ACP1: variants seen among roughly 807,000 people sequenced by gnomAD.
ACP1 encodes acid phosphatase 1.
A neutral mutation model predicts 23.4 loss-of-function variants in ACP1; 23 were observed. That is an observed-to-expected ratio of 0.98 (90% CI 0.71 to 1.39). The LOEUF (loss-of-function observed/expected upper bound fraction) is 1.39, where lower values mean the gene tolerates loss of function less well. ACP1 is among the 40% of genes most tolerant of loss of function. The pLI, the probability that ACP1 is intolerant of heterozygous loss-of-function variation, is 0.00. For synonymous variants in ACP1, 72 were observed against 67.2 expected (o/e 1.07, Z -0.35); for missense variants, 180 against 197.7 (o/e 0.91, Z 0.54).
chr2:276,096 G>A (rs1252761874), intron 4 of ACP1, among the ~76,000 whole-genome samples: 1 of 152,154 alleles, frequency 6.6e-6, no homozygotes, highest in Non-Finnish European at 1.5e-5. Flanking sequence ...ACTGAGCACC[G>A]TGTTTCTTTG....
At chr2:274,028 T>C (rs1218283598) in intron 3 of ACP1, among the ~76,000 whole-genome samples, 2 of 152,150 alleles carry the variant, frequency 1.3e-5, no homozygotes, top group African/African-American at 4.8e-5. Flanking sequence ...CTGGGTGCTA[T>C]GACATATGCC....
chr2:273,659 C>T (rs1320627259), intron 3 of ACP1, among the ~76,000 whole-genome samples: 1 of 152,196 alleles, frequency 6.6e-6, no homozygotes, highest in Non-Finnish European at 1.5e-5. Context: ...TGATTTGCCA[C>T]AAGCTGTTTC....
At position 272,077 on chromosome 2, in the gene ACP1, G is replaced by A. The variant is rs777477495; in HGVS notation, c.158G>A (p.Gly53Glu). 9.9e-6 allele frequency: 16 copies of A among 1,614,048 alleles called. No homozygotes were observed. Among genetic ancestry groups the A allele is most frequent in the Middle Eastern group, 1.6e-4 (1 of 6,084 alleles). ...DSAATSGYEI[G>E]NPPDYRGQSC... Reference sequence around the variant, plus strand: ...GCGGCAACTTCCGGGTATGAGATAGGGAACCCCCCTGACTACCGAGGGCAG... The same window carrying A: ...GCGGCAACTTCCGGGTATGAGATAGAGAACCCCCCTGACTACCGAGGGCAG... The change falls in exon 3 of 6, where the codon GGG (glycine) becomes GAG (glutamate). Residue 53 changes from glycine (G) to glutamate (E), a missense_variant. By Grantham distance (98) the Gly-to-Glu change is moderately conservative. Transcript: ENST00000272065.
chr2:270,967 G>T (rs2103072984), intron 1 of ACP1, among the ~76,000 whole-genome samples: 1 of 152,300 alleles, frequency 6.6e-6, no homozygotes, highest in East Asian at 1.9e-4. Flanking sequence ...ACCTGAGGGA[G>T]CCCTGGGGAA....
intron 1 of ACP1, among the ~76,000 whole-genome samples, chr2:267,962 A>AT (rs1669932382): frequency 1.3e-5 from 2 of 152,066 alleles, no homozygotes; most frequent in African/African-American, 2.4e-5. Flanking sequence ...CTACTTTTAG[A>AT]TTTTTTCCAA....
chr2:265,682 G>A (rs183709706), intron 1 of ACP1, among the ~76,000 whole-genome samples: 1 of 152,302 alleles, frequency 6.6e-6, no homozygotes, highest in Admixed American at 6.5e-5. Context: ...CTTTGGTGTA[G>A]CACTACAAGG....
At chr2:270,027 T>G (rs573236422) in intron 1 of ACP1, among the ~76,000 whole-genome samples, 1 of 152,318 alleles carries the variant, frequency 6.6e-6, no homozygotes, top group Admixed American at 6.5e-5. Flanking sequence ...CTGCCACACC[T>G]TTCCACTCTG....
chr2:275,270 C>A, intron 4 of ACP1, 69 bp downstream of exon 4: 1 of 846,094 alleles, frequency 1.2e-6, no homozygotes, highest in South Asian at 2.4e-5. Context: ...AATTTGTTGT[C>A]CAGATTTACT....
In ACP1 at chr2:275,199, G is replaced by A. The variant is rs1301832370; in HGVS notation, c.291G>A (p.Leu97=). ...TACTATGTATGGATGAAAGCAATCT[G>A]AGGTAATCCTGTTTTTGAAGAATAT... ...DYILCMDESN[L]RDLNRKSNQV... The change falls in exon 4 of 6, where the codon CTG becomes CTA. Residue 97 remains leucine, a splice_region_variant and synonymous_variant. Coordinates refer to ENST00000272065, the MANE Select transcript of ACP1 (RefSeq NM_004300.4). The A allele has an allele frequency of 6.6e-7, 1 of 1,514,002 alleles. No individual in the cohort carries two copies. The highest frequency in any genetic ancestry group is 9.1e-7 in the Non-Finnish European group (1 of 1,104,118). The allele number at this position is 1,514,002 out of a possible 1,614,324, so 93.8% of individuals were successfully genotyped here. A position where few individuals can be genotyped will look rare whatever the true frequency, so the allele number is the denominator to read the frequency against.
At chr2:275,094 C>A in intron 3 of ACP1, 46 bp from the exon 4 acceptor site, 2 of 1,023,152 alleles carry the variant, frequency 2.0e-6, no homozygotes, top group Non-Finnish European at 2.9e-6. Context: ...ATCCTCTAGG[C>A]TTGAATGGTA....
At chr2:269,958 G>C (rs987052014) in intron 1 of ACP1, among the ~76,000 whole-genome samples, 6 of 152,310 alleles carry the variant, frequency 3.9e-5, no homozygotes, top group Non-Finnish European at 8.8e-5. Flanking sequence ...GAAGGCTCTT[G>C]TTAACCTGTC....
intron 4 of ACP1, 142 bp from the exon 5 acceptor site, chr2:276,838 G>T: frequency 1.6e-6 from 1 of 611,518 alleles, no homozygotes; most frequent in East Asian, 2.8e-5. Context: ...GGCCACACGG[G>T]CCTGCTGAGT....
At chr2:266,807 T>C (rs1325851305) in intron 1 of ACP1, among the ~76,000 whole-genome samples, 1 of 152,194 alleles carries the variant, frequency 6.6e-6, no homozygotes, top group African/African-American at 2.4e-5. Context: ...TTTTTTTCTT[T>C]CCATAAGAAG....
chr2:272,578 T>C, intron 3 of ACP1: 2 of 905,096 alleles, frequency 2.2e-6, no homozygotes, highest in Non-Finnish European at 1.6e-6. Context: ...CTGTCTTCTG[T>C]TCCTTCCTGC....
chr2:272,756 T>A, intron 3 of ACP1: 1 of 168,688 alleles, frequency 5.9e-6, no homozygotes, highest in Non-Finnish European at 1.3e-5. Flanking sequence ...TATAGTCTAT[T>A]GGGCCACACT....
intron 1 of ACP1, among the ~76,000 whole-genome samples, chr2:269,065 G>A (rs1316882846): frequency 6.6e-6 from 1 of 152,178 alleles, no homozygotes; most frequent in Non-Finnish European, 1.5e-5. Context: ...AATAATAATT[G>A]TCTTAATTTG....
rs753256660 is a variant in ACP1, at chr2:276,971, A to G, written c.294-9A>G. On this transcript the variant is annotated splice_polypyrimidine_tract_variant and intron_variant, in intron 4 of 5. Transcript: ENST00000272065. ...ATCAGAAAACTAAGTTCATATTTCA[A>G]TTTTACAGAGATTTGAATAGAAAAA... 14 of 1,553,678 alleles carry G rather than the reference A, an allele frequency of 9.0e-6. No homozygotes were observed. The highest frequency in any genetic ancestry group is 2.7e-5 in the African/African-American group (2 of 73,108).
At chr2:268,548 A>G (rs1472250491) in intron 1 of ACP1, among the ~76,000 whole-genome samples, 1 of 152,302 alleles carries the variant, frequency 6.6e-6, no homozygotes, top group East Asian at 1.9e-4. Flanking sequence ...GAGTCACTTT[A>G]CTTCTGGGCT....
intron 1 of ACP1, 109 bp downstream of exon 1, chr2:265,116 C>T (rs984028464): frequency 1.2e-5 from 17 of 1,408,474 alleles, no homozygotes; most frequent in Non-Finnish European, 1.7e-5. Flanking sequence ...GGGAGGAGGC[C>T]AGGGACTGGG....
Sources: gnomAD v4.1 joint callset for allele counts (sites outside exome capture counted in the v4.1 genomes callset) on GRCh38, gnomAD v4.1.1 for gene constraint, MANE v1.5 for transcripts, NCBI Gene and HGNC (gene_info 2026-07-23, HGNC 2026-07-21) for gene names.